DMD: variants seen among roughly 807,000 people sequenced by gnomAD.
DMD encodes the protein dystrophin.
A neutral mutation model predicts 330.1 loss-of-function variants in DMD; 63 were observed. That is an observed-to-expected ratio of 0.19 (90% confidence interval 0.16 to 0.24). DMD has a LOEUF of 0.24. DMD is among the 10% of genes least tolerant of loss of function. The probability of loss-of-function intolerance (pLI) is 1.00; values close to 1 mark genes in which losing one functional copy is unlikely to be tolerated. For missense variants in DMD, 3,344 were observed against 2,684.1 expected (o/e 1.25, Z -5.43); for synonymous variants, 1,223 against 959.8 (o/e 1.27, Z -5.07).
intron 7 of DMD, among the ~76,000 whole-genome samples, chrX:32,715,043 C>A (rs1181273454): frequency 9.0e-6 from 1 of 111,540 alleles, no homozygotes; most frequent in Non-Finnish European, 1.9e-5. Context: ...TTAGATCTTT[C>A]AACTTGTTTA....
chrX:32,217,450 A>C (rs1372901914), intron 43 of DMD, among the ~76,000 whole-genome samples: 1 of 111,716 alleles, frequency 9.0e-6, no homozygotes, highest in Admixed American at 9.6e-5. Flanking sequence ...TGGAAGCAAT[A>C]TATTCCCTTT....
intron 7 of DMD, among the ~76,000 whole-genome samples, chrX:32,739,357 TA>T (rs2068935542): frequency 9.0e-6 from 1 of 111,644 alleles, no homozygotes; most frequent in Non-Finnish European, 1.9e-5. Flanking sequence ...AATAAAAAAT[TA>T]AGTGTTTTAG....
upstream of DMD, among the ~76,000 whole-genome samples, chrX:33,216,070 G>A (rs146624250): frequency 1.2e-3 from 135 of 112,028 alleles, no homozygotes; most frequent in African/African-American, 3.7e-3. Flanking sequence ...GAAAATTGAC[G>A]TTGGTAGTTT....
At chrX:32,449,344 C>T (rs2098319284) in intron 26 of DMD, among the ~76,000 whole-genome samples, 1 of 110,274 alleles carries the variant, frequency 9.1e-6, no homozygotes, top group Non-Finnish European at 1.9e-5. Context: ...ATGTCTGAAT[C>T]CAGACAAAAA....
chrX:31,919,802 T>C (rs1009433531), intron 47 of DMD, among the ~76,000 whole-genome samples: 2 of 112,212 alleles, frequency 1.8e-5, no homozygotes, highest in African/African-American at 3.2e-5. Context: ...TTGTTACCCA[T>C]ACAGTGGTCT....
intron 16 of DMD, among the ~76,000 whole-genome samples, chrX:32,547,227 T>C (rs1392674006): frequency 9.0e-6 from 1 of 111,310 alleles, no homozygotes; most frequent in Non-Finnish European, 1.9e-5. Context: ...TCCAATCTCA[T>C]AGAACATTTG....
intron 1 of DMD, among the ~76,000 whole-genome samples, chrX:33,150,187 C>T (rs1029952984): frequency 9.0e-6 from 1 of 110,751 alleles, no homozygotes; most frequent in Non-Finnish European, 1.9e-5. Context: ...TCTCTGTGTT[C>T]TTTCTCTACT....
intron 44 of DMD, among the ~76,000 whole-genome samples, chrX:32,182,539 G>A (rs2096930734): frequency 1.8e-5 from 2 of 110,986 alleles, no homozygotes; most frequent in Admixed American, 1.9e-4. Context: ...CCAGGTCTGT[G>A]GAATAATGTA....
At chrX:32,427,278 T>C (rs1236450327) in intron 29 of DMD, among the ~76,000 whole-genome samples, 3 of 111,297 alleles carry the variant, frequency 2.7e-5, no homozygotes, top group African/African-American at 9.8e-5. Flanking sequence ...TGATAGGAGC[T>C]GTCATCTGAG....
intron 45 of DMD, among the ~76,000 whole-genome samples, chrX:31,944,826 G>T (rs751427585): frequency 1.2e-4 from 13 of 110,873 alleles, no homozygotes; most frequent in East Asian, 1.1e-3. Flanking sequence ...TTTTTTTGTA[G>T]AAAAATAATA....
At chrX:33,250,801 T>G (rs1358586613) in intron 1 of DMD, among the ~76,000 whole-genome samples, 3 of 111,197 alleles carry the variant, frequency 2.7e-5, no homozygotes, top group African/African-American at 9.8e-5. Context: ...ATATTCTAAA[T>G]TATATATTTT....
In DMD at chrX:32,338,334, C is replaced by G. The variant is rs181236076; in HGVS notation, c.5922+3766G>C. ...GATTCATTAAAATTTACATTTATTCCATTTTATTAAATTTCATTAATATGA... is the reference window on the plus strand; with the variant it reads ...GATTCATTAAAATTTACATTTATTCGATTTTATTAAATTTCATTAATATGA... On this transcript the variant is annotated intron_variant, in intron 41 of 78. Transcript: ENST00000357033. Among the ~76,000 whole-genome samples, 5 of 110,680 alleles carry G rather than the reference C, an allele frequency of 4.5e-5. No homozygotes were observed. In the East Asian group the frequency reaches 1.4e-3, roughly 31 times the overall value.
At chrX:33,320,751 T>C (rs1482927022) in intron 1 of DMD, among the ~76,000 whole-genome samples, 1 of 112,632 alleles carries the variant, frequency 8.9e-6, no homozygotes, top group Non-Finnish European at 1.9e-5. Context: ...GATAGCACTT[T>C]ACTCACAGTA....
intron 1 of DMD, among the ~76,000 whole-genome samples, chrX:33,290,742 G>T (rs1009331870): frequency 9.0e-6 from 1 of 111,160 alleles, no homozygotes; most frequent in Non-Finnish European, 1.9e-5. Context: ...GCTTTTGTTT[G>T]CTTGATTTAT....
chrX:32,746,971 T>G (rs1439371262), intron 7 of DMD, among the ~76,000 whole-genome samples: 1 of 112,134 alleles, frequency 8.9e-6, no homozygotes, highest in Non-Finnish European at 1.9e-5. Context: ...TATCTCTTCG[T>G]GCCCGACTTA....
chrX:31,690,510 A>G (rs1471520055), intron 52 of DMD, among the ~76,000 whole-genome samples: 1 of 112,051 alleles, frequency 8.9e-6, no homozygotes, highest in Non-Finnish European at 1.9e-5. Context: ...AACACTTTAC[A>G]CTGTTAGTGA....
At chrX:31,289,836 G>A (rs1291067825) in intron 62 of DMD, among the ~76,000 whole-genome samples, 1 of 109,816 alleles carries the variant, frequency 9.1e-6, no homozygotes, top group African/African-American at 3.3e-5. Context: ...TTTTAGTTTA[G>A]TAAAGTCTAC....
intron 44 of DMD, among the ~76,000 whole-genome samples, chrX:32,041,364 G>C (rs1221309753): frequency 8.9e-6 from 1 of 112,232 alleles, no homozygotes; most frequent in Non-Finnish European, 1.9e-5. Flanking sequence ...CCTGGCAGTC[G>C]TGGACCTGCC....
At position 31,693,737 on chromosome X, in the gene DMD, C is replaced by T. The variant is rs140240731; in HGVS notation, c.7661-14151G>A. Among the ~76,000 whole-genome samples, 56 of 111,230 alleles carry T rather than the reference C, an allele frequency of 5.0e-4. No individual in the cohort carries two copies. The East Asian group carries it at 0.015, about 30-fold the overall frequency. On this transcript the variant is annotated intron_variant, in intron 52 of 78. Coordinates refer to ENST00000357033, the MANE Select transcript of DMD (RefSeq NM_004006.3). The stretch of plus-strand genomic sequence containing the variant: ...TTTAACCAAGAAAGTGAAAGATCTG[C>T]GTGTTGAAACTATAAGACACTGACG...
Sources: gnomAD v4.1 joint callset for allele counts (sites outside exome capture counted in the v4.1 genomes callset) on GRCh38, gnomAD v4.1.1 for gene constraint, MANE v1.5 for transcripts, NCBI Gene and HGNC (gene_info 2026-07-23, HGNC 2026-07-21) for gene names.